GARNL3: variants seen among roughly 807,000 people sequenced by gnomAD.
GARNL3 encodes the protein GTPase activating Rap/RanGAP domain like 3.
In GARNL3, 63 loss-of-function variants were observed where a neutral mutation model predicts 125.0. The observed-to-expected ratio is 0.50, with a 90% confidence interval of 0.41 to 0.62. The LOEUF is 0.62. Among genes scored for constraint, GARNL3 ranks in the 20% least tolerant of loss-of-function variants. The pLI is 0.00. For missense variants in GARNL3, 994 were observed against 1,244.0 expected, an observed-to-expected ratio of 0.80 and a Z score of 3.02; for synonymous variants, 439 against 457.5, an observed-to-expected ratio of 0.96 and a Z score of 0.52.
intron 12 of GARNL3, 108 bp from the exon 13 acceptor site, chr9:127,339,537 C>A: frequency 1.3e-6 from 1 of 769,596 alleles, no homozygotes; most frequent in East Asian, 2.5e-5. Flanking sequence ...GGGTCCCACC[C>A]ATGGCATGTG....
chr9:127,328,246 C>T (rs1008773157), intron 7 of GARNL3, among the ~76,000 whole-genome samples: 2 of 152,134 alleles, frequency 1.3e-5, no homozygotes, highest in African/African-American at 2.4e-5. Context: ...CTTGAGACAA[C>T]ACTAGTCACT....
intron 21 of GARNL3, among the ~76,000 whole-genome samples, chr9:127,357,814 G>T (rs1830770296): frequency 6.6e-6 from 1 of 151,940 alleles, no homozygotes; most frequent in Non-Finnish European, 1.5e-5. Context: ...GAGTCAAAAG[G>T]CTGACTATAA....
intron 7 of GARNL3, among the ~76,000 whole-genome samples, chr9:127,330,300 CAG>C (rs1829151061): frequency 1.3e-5 from 2 of 152,146 alleles, no homozygotes; most frequent in Middle Eastern, 3.2e-3. Context: ...ACTTCGAAAA[CAG>C]AGAAAGAAAA....
intron 1 of GARNL3, among the ~76,000 whole-genome samples, chr9:127,271,660 A>G (rs937868242): frequency 6.7e-6 from 1 of 150,248 alleles, no homozygotes; most frequent in Non-Finnish European, 1.5e-5. Context: ...TGTAGCTTTT[A>G]TTGATCTTTT....
chr9:127,330,416 C>T (rs1464841928), intron 7 of GARNL3, among the ~76,000 whole-genome samples: 3 of 152,122 alleles, frequency 2.0e-5, no homozygotes, highest in South Asian at 2.1e-4. Context: ...TTGGAGACAT[C>T]GTATGAAAAA....
rs557593029 is a variant in GARNL3, at chr9:127,392,716, G to C, written c.2871-367G>C. Among the ~76,000 whole-genome samples the C allele has an allele frequency of 6.6e-6, 1 of 152,332 alleles. No individual in the cohort carries two copies. The highest frequency in any genetic ancestry group is 2.4e-5 in the African/African-American group (1 of 41,566). ...AAACAGAGGGAGTCAGGGGTGCCCTGGGAGGCTGGAGGGATCACAGGCCTA... is the reference window on the plus strand; with the variant it reads ...AAACAGAGGGAGTCAGGGGTGCCCTCGGAGGCTGGAGGGATCACAGGCCTA... On this transcript the variant is annotated intron_variant, in intron 27 of 27. Coordinates refer to ENST00000373387, the MANE Select transcript of GARNL3 (RefSeq NM_032293.5). This position sits in a 1 kb window ranked among gnomAD's most constrained non-coding sequence, Gnocchi z 5.2.
At chr9:127,276,148 T>G (rs1213569304) in intron 1 of GARNL3, among the ~76,000 whole-genome samples, 1 of 151,774 alleles carries the variant, frequency 6.6e-6, no homozygotes, top group Non-Finnish European at 1.5e-5. Flanking sequence ...TTTTTTAACA[T>G]TTTGAATTGA....
chr9:127,364,558 A>G lies in GARNL3; in HGVS notation c.2095-742A>G, dbSNP rs1388946333. On this transcript the variant is annotated intron_variant, in intron 21 of 27. Transcript: ENST00000373387. This position sits in a 1 kb window ranked among gnomAD's most constrained non-coding sequence, Gnocchi z 4.2. ...AAAATCAAGAAGGACCAAGGACACC[A>G]TCAGGTTGAGTGCCCTCCTCTCAAA... 6.6e-6 allele frequency: 1 copy of G among 152,388 alleles called. No homozygotes were observed. The highest frequency in any genetic ancestry group is 1.5e-5 in the Non-Finnish European group (1 of 68,176). 9.4% of individuals were successfully genotyped at this position (152,388 alleles called of 1,614,324 possible).
chr9:127,338,100 T>G lies in GARNL3; in HGVS notation c.983-16T>G. 1 of 1,596,694 alleles carries G rather than the reference T, an allele frequency of 6.3e-7. No homozygotes were observed. The highest frequency in any genetic ancestry group is 8.6e-7 in the Non-Finnish European group (1 of 1,164,078). ...AGCATCAGTGTTGTGATTAGTTCCC[T>G]TAACCATCACCACAGATATTTTTGC... On this transcript the variant is annotated splice_polypyrimidine_tract_variant and intron_variant, in intron 11 of 27. Transcript: ENST00000373387.
At chr9:127,331,164 A>G (rs1435045180) in intron 7 of GARNL3, among the ~76,000 whole-genome samples, 2 of 152,152 alleles carry the variant, frequency 1.3e-5, no homozygotes, top group Non-Finnish European at 2.9e-5. Context: ...ATACAAAAAA[A>G]AGTATAGGGA....
intron 1 of GARNL3, among the ~76,000 whole-genome samples, chr9:127,272,800 T>C (rs897374038): frequency 7.9e-5 from 12 of 152,238 alleles, no homozygotes; most frequent in Non-Finnish European, 1.6e-4. Flanking sequence ...CAAGTTAACA[T>C]GTTTTGAAAC....
intron 22 of GARNL3, among the ~76,000 whole-genome samples, chr9:127,376,970 A>G (rs1468295129): frequency 6.6e-6 from 1 of 152,254 alleles, no homozygotes; most frequent in African/African-American, 2.4e-5. Context: ...GCAAAGATGT[A>G]TATTTCTCCT....
chr9:127,264,864 A>G lies in GARNL3; in HGVS notation c.-14A>G. 2.6e-6 allele frequency: 4 copies of G among 1,568,342 alleles called. No homozygotes were observed. Among genetic ancestry groups the G allele is most frequent in the Non-Finnish European group, 3.5e-6 (4 of 1,152,294 alleles). On this transcript the variant is annotated 5_prime_UTR_variant, in exon 1 of 28. Transcript: ENST00000373387. ...GGGCACTGCAAGTCTGTTCCATAGC[A>G]GCCCTTTTTGCAAATGGTAGTTGAT... is the stretch of plus-strand genomic sequence containing the variant.
intron 22 of GARNL3, among the ~76,000 whole-genome samples, chr9:127,382,172 C>T (rs985751915): frequency 2.0e-5 from 3 of 151,874 alleles, no homozygotes; most frequent in South Asian, 2.1e-4. Context: ...TGGTGGCGGG[C>T]GTCTGTAGTC....
chr9:127,311,809 A>G, intron 3 of GARNL3, 74 bp downstream of exon 3: 1 of 1,015,112 alleles, frequency 9.9e-7, no homozygotes, highest in Admixed American at 1.8e-5. Flanking sequence ...AACTTCTGGT[A>G]TCCTATATGA....
At chr9:127,377,142 CATT>C (rs2131786492) in intron 22 of GARNL3, among the ~76,000 whole-genome samples, 1 of 152,246 alleles carries the variant, frequency 6.6e-6, no homozygotes, top group South Asian at 2.1e-4. Flanking sequence ...ATTTCTTTAA[CATT>C]ATAATTTATT....
rs2064063840 is a variant in GARNL3, at chr9:127,280,045, A to G, written c.145-11123A>G. Among the ~76,000 whole-genome samples the G allele has an allele frequency of 6.6e-6, 1 of 152,178 alleles. No individual in the cohort carries two copies. Among genetic ancestry groups the G allele is most frequent in the South Asian group, 2.1e-4 (1 of 4,824 alleles). On this transcript the variant is annotated intron_variant, in intron 1 of 27. Transcript: ENST00000373387. The surrounding 1 kb of genome is among the most constrained non-coding windows in gnomAD (Gnocchi z 4.5). Reference sequence around the variant, plus strand: ...ACCAGCGGCTCTAGAATTTATACATAACAGGGGCTTAGGAACTACCAGTAG... The same window carrying G: ...ACCAGCGGCTCTAGAATTTATACATGACAGGGGCTTAGGAACTACCAGTAG...
intron 26 of GARNL3, among the ~76,000 whole-genome samples, chr9:127,389,820 C>T (rs892823322): frequency 5.3e-5 from 8 of 150,468 alleles, no homozygotes; most frequent in African/African-American, 2.0e-4. Flanking sequence ...ACTCAAGAAG[C>T]TGAGGCAAGA....
chr9:127,369,161 T>C (rs1427873088), intron 22 of GARNL3: 1 of 146,882 alleles, frequency 6.8e-6, no homozygotes, highest in Non-Finnish European at 1.5e-5. Flanking sequence ...TGCTGATTAA[T>C]CAAATTTGGG....
Sources: gnomAD v4.1 joint callset for allele counts (sites outside exome capture counted in the v4.1 genomes callset) on GRCh38, gnomAD v4.1.1 for gene constraint, Gnocchi (gnomAD v3.1) non-coding constraint, MANE v1.5 for transcripts, NCBI Gene and HGNC (gene_info 2026-07-23, HGNC 2026-07-21) for gene names.